Variants in KCNMA1 observed in about 807,000 individuals in gnomAD.
KCNMA1 encodes Calcium-activated potassium channel subunit alpha-1.
A neutral mutation model predicts 140.0 loss-of-function variants in KCNMA1; 29 were observed. The observed-to-expected ratio is 0.21, with a 90% CI of 0.15 to 0.28. The LOEUF (loss-of-function observed/expected upper bound fraction) is 0.28. Among genes scored for constraint, KCNMA1 ranks in the 10% least tolerant of loss-of-function variants. The pLI is 1.00. For synonymous variants in KCNMA1, 612 were observed against 611.9 expected, an observed-to-expected ratio of 1.00 and a Z score of 0.00; for missense variants, 880 against 1,602.2, an observed-to-expected ratio of 0.55 and a Z score of 7.70.
chr10:77,142,201 AC>A (rs923081605), intron 5 of KCNMA1, among the ~76,000 whole-genome samples: 60 of 151,884 alleles, frequency 4.0e-4, no homozygotes, highest in Admixed American at 4.6e-4. Context: ...CCCTGTCTCT[AC>A]TAAAAAATAC....
chr10:76,960,502 T>A (rs903366757), intron 20 of KCNMA1, among the ~76,000 whole-genome samples: 1 of 151,100 alleles, frequency 6.6e-6, no homozygotes, highest in Non-Finnish European at 1.5e-5. Flanking sequence ...ATCACACTAC[T>A]GCACTCCAGC....
chr10:77,458,418 G>A (rs1031206673), intron 1 of KCNMA1, among the ~76,000 whole-genome samples: 1 of 152,256 alleles, frequency 6.6e-6, no homozygotes, highest in African/African-American at 2.4e-5. Context: ...CTTGGAAGCA[G>A]AGCTGGGATT....
At position 77,410,161 on chromosome 10, in the gene KCNMA1, G is replaced by A. The variant is rs1257370391; in HGVS notation, c.379-6138C>T. Among the ~76,000 whole-genome samples the A allele has an allele frequency of 3.3e-5, 5 of 152,098 alleles. 1 individual carries two copies. The highest frequency in any genetic ancestry group is 3.4e-3 in the Middle Eastern group (1 of 292). On this transcript the variant is annotated intron_variant, in intron 1 of 27. Coordinates refer to ENST00000286628, the MANE Select transcript of KCNMA1 (RefSeq NM_001161352.2). ...CTGCAACTTGCAGGGCAGGTCCCCC[G>A]TTGTCACCCTGCACCCTAACAGGAT...
At chr10:77,255,557 G>A (rs1472243742) in intron 2 of KCNMA1, among the ~76,000 whole-genome samples, 1 of 151,936 alleles carries the variant, frequency 6.6e-6, no homozygotes, top group African/African-American at 2.4e-5. Context: ...CCAAGAGTAT[G>A]CCACTACACT....
chr10:77,200,787 A>G (rs970451774), intron 3 of KCNMA1, among the ~76,000 whole-genome samples: 5 of 152,248 alleles, frequency 3.3e-5, no homozygotes, highest in Non-Finnish European at 7.3e-5. Context: ...CATGCCAACA[A>G]TTATAGACAA....
At chr10:77,480,634 T>C (rs996979743) in intron 1 of KCNMA1, among the ~76,000 whole-genome samples, 3 of 152,196 alleles carry the variant, frequency 2.0e-5, no homozygotes, top group Non-Finnish European at 2.9e-5. Context: ...GACCAGGCTA[T>C]GGCTCCCCTC....
intron 6 of KCNMA1, among the ~76,000 whole-genome samples, chr10:77,120,342 C>T (rs1380627573): frequency 6.6e-6 from 1 of 152,112 alleles, no homozygotes; most frequent in African/African-American, 2.4e-5. Context: ...TTGTGTTTTC[C>T]AGATCATAAC....
Position 77,090,549 on chromosome 10 carries a change from C to A in KCNMA1, c.1224-39G>T, listed in dbSNP as rs200834669. The A allele has an allele frequency of 3.0e-6, 4 of 1,344,574 alleles. No individual in the cohort carries two copies. In the South Asian group the frequency reaches 3.5e-5, roughly 12 times the overall value. The allele number at this position is 1,344,574 out of a possible 1,614,324, so 83.3% of individuals were successfully genotyped here. ...GCCAGTTAGATCAGGCCAGGCACCA[C>A]GACAGGACCCTGCATCCCACCCCCT... On this transcript the variant is annotated intron_variant, in intron 9 of 27. Transcript: ENST00000286628.
chr10:77,530,775 C>T (rs574760006), intron 1 of KCNMA1, among the ~76,000 whole-genome samples: 10 of 152,196 alleles, frequency 6.6e-5, no homozygotes, highest in South Asian at 6.2e-4. Context: ...ATTTCTGCCC[C>T]GCCTGCCTGC....
chr10:77,019,086 G>A lies in KCNMA1; in HGVS notation c.1942C>T (p.Pro648Ser). 1 of 1,561,430 alleles carries A rather than the reference G, an allele frequency of 6.4e-7. No individual in the cohort carries two copies. Among genetic ancestry groups the A allele is most frequent in the Non-Finnish European group, 8.8e-7 (1 of 1,132,418 alleles). ...ANRESRILINPGNHLKIQEGT... is the reference protein window; with the variant it reads ...ANRESRILINSGNHLKIQEGT... ...TCTTGGATCTTAAGATGGTTTCCAG[G>A]ATTAATTAATATACTGCTCAGTGAA... Residue 648 changes from proline to serine, a missense_variant, in exon 17 of 28, where the codon CCT becomes TCT. Transcript: ENST00000286628.
chr10:77,252,525 T>TTGTGTGTGTGTGTGTGTGTGTGTG (rs139774027), intron 2 of KCNMA1, among the ~76,000 whole-genome samples: 18 of 145,830 alleles, frequency 1.2e-4, no homozygotes, highest in East Asian at 4.2e-4. Flanking sequence ...TGATCAAGCT[T>TTGTGTGTGTGTGTGTGTGTGTGTG]TGTGTGTGTG....
At chr10:76,982,256 T>C (rs931132960) in intron 19 of KCNMA1, among the ~76,000 whole-genome samples, 1 of 150,886 alleles carries the variant, frequency 6.6e-6, no homozygotes, top group African/African-American at 2.5e-5. Flanking sequence ...AGATGTTGCA[T>C]GAGAATGTCA....
At chr10:77,005,719 A>C (rs971948480) in intron 18 of KCNMA1, among the ~76,000 whole-genome samples, 15 of 152,182 alleles carry the variant, frequency 9.9e-5, no homozygotes, top group African/African-American at 3.6e-4. Flanking sequence ...ATTTGAGAAA[A>C]AGCTTTTATG....
intron 1 of KCNMA1, among the ~76,000 whole-genome samples, chr10:77,584,648 C>T (rs1378797529): frequency 1.3e-5 from 2 of 152,328 alleles, no homozygotes; most frequent in African/African-American, 4.8e-5. Context: ...TAAGCCACCA[C>T]GCCTGGCCTT....
At chr10:77,478,934 T>G (rs612732) in intron 1 of KCNMA1, among the ~76,000 whole-genome samples, 1 of 152,158 alleles carries the variant, frequency 6.6e-6, no homozygotes, top group Non-Finnish European at 1.5e-5. Flanking sequence ...GATAACGTAA[T>G]GTTAAGAAGA....
chr10:76,954,270 C>CAT (rs1491189284), intron 20 of KCNMA1, among the ~76,000 whole-genome samples: 59 of 30,774 alleles, frequency 1.9e-3, no homozygotes, highest in African/African-American at 0.019. Context: ...CCCCAGCGTG[C>CAT]ACACACACAC....
chr10:76,897,969 AAAT>A (rs2152065183), intron 25 of KCNMA1, among the ~76,000 whole-genome samples: 1 of 152,000 alleles, frequency 6.6e-6, no homozygotes, highest in African/African-American at 2.4e-5. Flanking sequence ...CTAGAGTTAA[AAAT>A]AGAATGGAAA....
intron 15 of KCNMA1, among the ~76,000 whole-genome samples, chr10:77,030,559 G>C (rs2093858872): frequency 6.6e-6 from 1 of 152,118 alleles, no homozygotes; most frequent in Admixed American, 6.5e-5. Context: ...TGGGACTCTG[G>C]TAGTTCATGG....
intron 5 of KCNMA1, among the ~76,000 whole-genome samples, chr10:77,121,406 G>C (rs1241932544): frequency 1.3e-5 from 2 of 152,206 alleles, no homozygotes; most frequent in African/African-American, 2.4e-5. Flanking sequence ...CCTAGGAATT[G>C]TGATAGCTCA....
Sources: allele counts gnomAD v4.1 joint callset (sites outside exome capture counted in the v4.1 genomes callset), GRCh38; gene constraint gnomAD v4.1.1; transcripts MANE v1.5; gene names NCBI Gene and HGNC (gene_info 2026-07-23, HGNC 2026-07-21).